YARS1: variants seen among roughly 807,000 people sequenced by gnomAD.
YARS1 encodes tyrosine--tRNA ligase, cytoplasmic.
A neutral mutation model predicts 62.2 loss-of-function variants in YARS1; 36 were observed. The ratio of observed to expected loss-of-function variants is 0.58; its 90% CI spans 0.44 to 0.76. YARS1 has a LOEUF of 0.76. Among genes scored for constraint, YARS1 ranks in the 30% least tolerant of loss-of-function variants. The pLI, the probability that YARS1 is intolerant of heterozygous loss-of-function variation, is 0.00. For missense variants in YARS1, 524 were observed against 639.8 expected (o/e 0.82, Z 1.95); for synonymous variants, 234 against 244.9 (o/e 0.96, Z 0.42).
intron 5 of YARS1, among the ~76,000 whole-genome samples, chr1:32,796,407 C>T (rs1653585759): frequency 6.6e-6 from 1 of 151,386 alleles, no homozygotes; most frequent in Admixed American, 6.6e-5. Context: ...GCTTTGTCAC[C>T]CAGTTTGGAG....
chr1:32,779,347 C>A, intron 12 of YARS1, 35 bp downstream of exon 12: 1 of 1,614,082 alleles, frequency 6.2e-7, no homozygotes, highest in Non-Finnish European at 8.5e-7. Context: ...GTCCAGGCAG[C>A]CCAGCCAAGA....
chr1:32,795,911 G>A (rs1256100371), intron 5 of YARS1, among the ~76,000 whole-genome samples: 1 of 151,626 alleles, frequency 6.6e-6, no homozygotes, highest in African/African-American at 2.4e-5. Flanking sequence ...ACCATTCTTA[G>A]CTCATGAGTC....
intron 5 of YARS1, among the ~76,000 whole-genome samples, 164 bp from the exon 6 acceptor site, chr1:32,791,418 T>G (rs996660545): frequency 6.6e-6 from 1 of 152,204 alleles, no homozygotes; most frequent in Non-Finnish European, 1.5e-5. Context: ...AAGCGAAGTT[T>G]TTTTCCCTAC....
rs916234722 is a variant in YARS1, at chr1:32,797,968, T to G, written c.511-125A>C. On this transcript the variant is annotated intron_variant, in intron 4 of 12. Transcript: ENST00000373477. Reference sequence around the variant, plus strand: ...TCACTGCCACCTCTGCCTCTCAGGTTCAAGTGAGTCTCCTGCCTCAGCCTC... The same window carrying G: ...TCACTGCCACCTCTGCCTCTCAGGTGCAAGTGAGTCTCCTGCCTCAGCCTC... The G allele has an allele frequency of 9.2e-6, 7 of 761,116 alleles. No homozygotes were observed. The Admixed American group carries it at 1.0e-4, about 11-fold the overall frequency. The allele number at this position is 761,116 out of a possible 1,614,324, so 47.1% of individuals were successfully genotyped here. A position where few individuals can be genotyped will look rare whatever the true frequency, so the allele number is the denominator to read the frequency against.
chr1:32,798,518 C>T (rs1381796798), intron 4 of YARS1, among the ~76,000 whole-genome samples: 9 of 152,092 alleles, frequency 5.9e-5, no homozygotes, highest in South Asian at 4.2e-4. Context: ...TGTGAGAATT[C>T]GGGAAAAAGG....
At chr1:32,806,333 G>A in intron 4 of YARS1, 149 bp downstream of exon 4, 2 of 1,231,428 alleles carry the variant, frequency 1.6e-6, no homozygotes, top group Non-Finnish European at 2.3e-6. Context: ...TGGTGCTGGT[G>A]GACTTGCTGT....
chr1:32,814,822 A>ATTTTTC (rs1210456368), intron 1 of YARS1, among the ~76,000 whole-genome samples: 2 of 152,250 alleles, frequency 1.3e-5, no homozygotes, highest in South Asian at 2.1e-4. Context: ...AAAAATTCTA[A>ATTTTTC]CAGGCCAGTG....
chr1:32,786,766 T>C, intron 7 of YARS1, 174 bp downstream of exon 7: 4 of 969,210 alleles, frequency 4.1e-6, no homozygotes, highest in East Asian at 2.6e-5. Flanking sequence ...AACGAATATA[T>C]GGACAATTAA....
chr1:32,809,383 TG>T (rs1638531102), intron 3 of YARS1, among the ~76,000 whole-genome samples: 1 of 152,100 alleles, frequency 6.6e-6, no homozygotes, highest in Non-Finnish European at 1.5e-5. Context: ...CCACCATGGC[TG>T]GCCCTATTTT....
intron 5 of YARS1, among the ~76,000 whole-genome samples, chr1:32,796,775 C>T (rs983434048): frequency 6.7e-6 from 1 of 150,156 alleles, no homozygotes; most frequent in Non-Finnish European, 1.5e-5. Context: ...ACCAGCCTGG[C>T]CAACATGGTG....
chr1:32,810,648 A>G lies in YARS1; in HGVS notation c.323T>C (p.Ile108Thr), dbSNP rs750509881. Residue 108 changes from isoleucine to threonine, a missense_variant, in exon 3 of 13, where the codon ATT (isoleucine) becomes ACT (threonine). Physicochemically the swap from Ile to Thr is moderately conservative, Grantham distance 89. Coordinates refer to ENST00000373477, the MANE Select transcript of YARS1 (RefSeq NM_003680.4). ...ENVIKAMLES[I>T]GVPLEKLKFI... is the part of the protein sequence containing the mutation. ...CTTGAGCTTCTCCAAGGGCACACCA[A>G]TGCTCTCCAGCATTGCTTTGATCAC... 7 of 1,613,770 alleles carry G rather than the reference A, an allele frequency of 4.3e-6. No homozygotes were observed. The highest frequency in any genetic ancestry group is 1.7e-4 in the Middle Eastern group (1 of 5,872).
chr1:32,782,068 G>T, intron 9 of YARS1: 1 of 258,876 alleles, frequency 3.9e-6, no homozygotes, highest in Non-Finnish European at 7.5e-6. Context: ...GCCTTCCAAA[G>T]TGTTAAGATT....
chr1:32,795,586 C>CG (rs1653555644), intron 5 of YARS1, among the ~76,000 whole-genome samples: 1 of 151,948 alleles, frequency 6.6e-6, no homozygotes, highest in South Asian at 2.1e-4. Flanking sequence ...GCGGGCAGAT[C>CG]ATGAGGTCAA....
chr1:32,799,832 T>TCA (rs1164868019), intron 4 of YARS1, among the ~76,000 whole-genome samples: 1 of 152,042 alleles, frequency 6.6e-6, no homozygotes, highest in African/African-American at 2.4e-5. Context: ...AGATGGAGTC[T>TCA]CACACACACA....
chr1:32,799,139 G>A (rs1653697469), intron 4 of YARS1, among the ~76,000 whole-genome samples: 1 of 152,202 alleles, frequency 6.6e-6, no homozygotes, highest in African/African-American at 2.4e-5. Flanking sequence ...ACATATAGAT[G>A]TTTTTCACCA....
intron 5 of YARS1, among the ~76,000 whole-genome samples, chr1:32,793,346 G>A (rs1653475025): frequency 6.6e-6 from 1 of 152,128 alleles, no homozygotes; most frequent in African/African-American, 2.4e-5. Flanking sequence ...AACTATAGCT[G>A]AAAACATCAT....
intron 9 of YARS1, 131 bp from the exon 10 acceptor site, chr1:32,781,276 T>C: frequency 1.3e-6 from 1 of 771,708 alleles, no homozygotes; most frequent in East Asian, 2.6e-5. Context: ...CACTGAGTTG[T>C]AACTTCTTTA....
rs766672765 is a variant in YARS1, at chr1:32,780,072, A to C, written c.1334+13T>G. ...TCCCCAGGTCCTGTGCCCCACTCCAAGTCCTCACTCACATAGAAGCACACA... is the reference window on the plus strand; with the variant it reads ...TCCCCAGGTCCTGTGCCCCACTCCACGTCCTCACTCACATAGAAGCACACA... On this transcript the variant is annotated intron_variant, in intron 11 of 12. Transcript: ENST00000373477. 1.2e-6 allele frequency: 2 copies of C among 1,613,948 alleles called. No individual in the cohort carries two copies. Among genetic ancestry groups the C allele is most frequent in the South Asian group, 2.2e-5 (2 of 91,068 alleles).
At chr1:32,790,104 G>C (rs1181808193) in intron 6 of YARS1, among the ~76,000 whole-genome samples, 2 of 148,452 alleles carry the variant, frequency 1.3e-5, no homozygotes, top group African/African-American at 5.0e-5. Flanking sequence ...GGCTGGTCTC[G>C]AACTCCTGAC....
Sources: gnomAD v4.1 joint callset for allele counts (sites outside exome capture counted in the v4.1 genomes callset) on GRCh38, gnomAD v4.1.1 for gene constraint, MANE v1.5 for transcripts, NCBI Gene and HGNC (gene_info 2026-07-23, HGNC 2026-07-21) for gene names.